AKAP13: variants seen among roughly 807,000 people sequenced by gnomAD.
The protein encoded by AKAP13 is A-kinase anchor protein 13.
A neutral mutation model predicts 264.5 loss-of-function variants in AKAP13; 80 were observed. The ratio of observed to expected loss-of-function variants is 0.30; its 90% CI spans 0.25 to 0.36. The LOEUF (loss-of-function observed/expected upper bound fraction) is 0.36, where lower values mean the gene tolerates loss of function less well. Ranked by LOEUF, AKAP13 falls within the 10% of genes least tolerant of loss-of-function variation. The pLI is 1.00. For missense variants in AKAP13, 3,712 were observed against 3,435.2 expected, an observed-to-expected ratio of 1.08 and a Z score of -2.01; for synonymous variants, 1,380 against 1,250.2, an observed-to-expected ratio of 1.10 and a Z score of -2.19.
At chr15:85,638,713 G>C (rs2082175136) in intron 8 of AKAP13, among the ~76,000 whole-genome samples, 1 of 151,768 alleles carries the variant, frequency 6.6e-6, no homozygotes, top group Admixed American at 6.6e-5. Flanking sequence ...CACAGACTTG[G>C]CATTCCAGCA....
intron 1 of AKAP13, among the ~76,000 whole-genome samples, chr15:85,406,436 G>A (rs1250119495): frequency 6.9e-6 from 1 of 143,994 alleles, no homozygotes; most frequent in Non-Finnish European, 1.5e-5. Flanking sequence ...CAGTTCCACT[G>A]TGTGTAAGAT....
chr15:85,496,536 C>T (rs2075878019), intron 2 of AKAP13, among the ~76,000 whole-genome samples: 1 of 152,122 alleles, frequency 6.6e-6, no homozygotes, highest in African/African-American at 2.4e-5. Flanking sequence ...TGAAGGGCCA[C>T]AGAAATTAGG....
intron 1 of AKAP13, among the ~76,000 whole-genome samples, chr15:85,442,485 T>TACATA (rs1162044552): frequency 1.8e-5 from 2 of 110,370 alleles, no homozygotes; most frequent in African/African-American, 7.1e-5. Context: ...TTATATAATA[T>TACATA]ATATAATATA....
chr15:85,489,248 G>A (rs1366196574), intron 2 of AKAP13, among the ~76,000 whole-genome samples: 1 of 152,218 alleles, frequency 6.6e-6, no homozygotes. Context: ...TGTTAGGGAA[G>A]CACAGCTCAG....
intron 13 of AKAP13, among the ~76,000 whole-genome samples, chr15:85,668,557 G>C (rs77117443): frequency 0.011 from 1,618 of 152,286 alleles, 33 homozygotes; most frequent in African/African-American, 0.037. Context: ...TCTTAGAAGA[G>C]GATAGGGAAG....
chr15:85,675,149 G>A (rs1597013638), intron 14 of AKAP13, among the ~76,000 whole-genome samples: 2 of 152,208 alleles, frequency 1.3e-5, no homozygotes, highest in South Asian at 2.1e-4. Flanking sequence ...TTTTCCTTAT[G>A]ATCCATGATT....
intron 5 of AKAP13, among the ~76,000 whole-genome samples, chr15:85,545,447 A>G (rs2151217801): frequency 6.6e-6 from 1 of 152,346 alleles, no homozygotes. Flanking sequence ...GCTTTAAGGA[A>G]ACTAGAGTGT....
At chr15:85,592,996 C>T (rs2079647189) in intron 8 of AKAP13, among the ~76,000 whole-genome samples, 1 of 152,092 alleles carries the variant, frequency 6.6e-6, no homozygotes. Context: ...TCTTCCAGCT[C>T]TTAATTTTTG....
chr15:85,552,120 T>C (rs756459295), intron 5 of AKAP13, among the ~76,000 whole-genome samples: 3 of 152,136 alleles, frequency 2.0e-5, no homozygotes, highest in African/African-American at 4.8e-5. Context: ...AAATATGAGG[T>C]AGTAAAAAAA....
intron 2 of AKAP13, among the ~76,000 whole-genome samples, chr15:85,509,050 CT>C (rs2076332547): frequency 6.6e-6 from 1 of 152,130 alleles, no homozygotes. Context: ...TTTGTCTTAC[CT>C]GCTAAAATAT....
intron 1 of AKAP13, among the ~76,000 whole-genome samples, chr15:85,439,523 A>C (rs2073514991): frequency 6.6e-6 from 1 of 150,938 alleles, no homozygotes; most frequent in African/African-American, 2.4e-5. Flanking sequence ...ATGCACACGT[A>C]TGTTTATTGC....
At chr15:85,643,051 T>A (rs983207602) in intron 9 of AKAP13, among the ~76,000 whole-genome samples, 1 of 151,792 alleles carries the variant, frequency 6.6e-6, no homozygotes. Context: ...ATACCCATAG[T>A]TTCCAGTCTG....
intron 1 of AKAP13, among the ~76,000 whole-genome samples, chr15:85,463,538 A>G (rs1346155593): frequency 1.3e-5 from 2 of 152,320 alleles, no homozygotes; most frequent in East Asian, 3.9e-4. Flanking sequence ...GGTAGAATAT[A>G]TGGATGGTGG....
intron 2 of AKAP13, among the ~76,000 whole-genome samples, chr15:85,500,823 T>C (rs1299660455): frequency 7.2e-5 from 11 of 152,204 alleles, no homozygotes. Context: ...AGCTATTGGC[T>C]CTGGTGTCTT....
chr15:85,616,650 A>G (rs1034460582), intron 8 of AKAP13, among the ~76,000 whole-genome samples: 1 of 152,132 alleles, frequency 6.6e-6, no homozygotes, highest in Non-Finnish European at 1.5e-5. Flanking sequence ...TAAACTCAGA[A>G]CCTCCTTTAA....
At position 85,581,823 on chromosome 15, in the gene AKAP13, C is replaced by A; in HGVS notation, c.3755C>A (p.Ala1252Asp). The A allele has an allele frequency of 6.2e-7, 1 of 1,614,148 alleles. No homozygotes were observed. The highest frequency in any genetic ancestry group is 8.5e-7 in the Non-Finnish European group (1 of 1,180,012). Residue 1252 changes from alanine (A) to aspartate (D), a missense_variant, in exon 7 of 37, where the codon GCC becomes GAC. Coordinates refer to ENST00000394518, the MANE Select transcript of AKAP13 (RefSeq NM_007200.5). ...PKGADLIEEA[A>D]SRIVDAVIEQ... The stretch of plus-strand genomic sequence containing the variant: ...GGGGCAGACTTGATAGAGGAGGCTG[C>A]CAGCCGTATAGTGGATGCTGTCATC...
intron 3 of AKAP13, among the ~76,000 whole-genome samples, chr15:85,527,048 G>A (rs958240965): frequency 2.7e-4 from 41 of 151,744 alleles, no homozygotes; most frequent in African/African-American, 9.4e-4. Context: ...TCCGCCTCCT[G>A]GGTTCAGGCC....
At chr15:85,672,332 T>C (rs1000973139) in intron 14 of AKAP13, among the ~76,000 whole-genome samples, 6 of 152,262 alleles carry the variant, frequency 3.9e-5, no homozygotes, top group Non-Finnish European at 8.8e-5. Flanking sequence ...TCCTCCTATA[T>C]ACAATTAAAA....
intron 26 of AKAP13, among the ~76,000 whole-genome samples, chr15:85,723,775 A>C (rs1195644124): frequency 6.6e-6 from 1 of 152,228 alleles, no homozygotes; most frequent in Non-Finnish European, 1.5e-5. Flanking sequence ...AGGAGTTTGC[A>C]GCTCCAGACA....
Sources: gnomAD v4.1 joint callset for allele counts (sites outside exome capture counted in the v4.1 genomes callset) on GRCh38, gnomAD v4.1.1 for gene constraint, MANE v1.5 for transcripts, NCBI Gene and HGNC (gene_info 2026-07-23, HGNC 2026-07-21) for gene names.